GOLPH3L: variants seen among roughly 807,000 people sequenced by gnomAD.
The protein encoded by GOLPH3L is golgi phosphoprotein 3 like, also known as Golgi phosphoprotein 3-like.
Under a neutral mutation model 30.3 loss-of-function variants are expected in GOLPH3L, and 22 were observed. The observed-to-expected ratio is 0.73, with a 90% confidence interval of 0.52 to 1.04. GOLPH3L has a LOEUF of 1.04. GOLPH3L is among the 50% of genes least tolerant of loss of function. The pLI is 0.00. For synonymous variants in GOLPH3L, 120 were observed against 128.2 expected, an observed-to-expected ratio of 0.94 and a Z score of 0.43; for missense variants, 303 against 345.8, an observed-to-expected ratio of 0.88 and a Z score of 0.98.
At chr1:150,673,309 A>G (rs971307530) in intron 2 of GOLPH3L, among the ~76,000 whole-genome samples, 3 of 152,162 alleles carry the variant, frequency 2.0e-5, no homozygotes, top group African/African-American at 7.2e-5. Flanking sequence ...CATGCCTGTA[A>G]TCCCAGCACT....
chr1:150,676,133 C>G (rs1256542984), intron 2 of GOLPH3L, among the ~76,000 whole-genome samples: 1 of 151,980 alleles, frequency 6.6e-6, no homozygotes, highest in African/African-American at 2.4e-5. Context: ...GCCACCATGC[C>G]TGGCTAATTT....
chr1:150,677,518 C>T (rs952714348), intron 2 of GOLPH3L, among the ~76,000 whole-genome samples: 5 of 151,542 alleles, frequency 3.3e-5, no homozygotes, highest in Admixed American at 3.3e-4. Flanking sequence ...GGATTACAGG[C>T]GTGAGCCACC....
intron 4 of GOLPH3L, among the ~76,000 whole-genome samples, chr1:150,651,717 G>T (rs1650110018): frequency 2.0e-5 from 3 of 149,004 alleles, no homozygotes; most frequent in Admixed American, 2.0e-4. Flanking sequence ...AGAGATCTGA[G>T]CTGGCAAAAT....
intron 4 of GOLPH3L, among the ~76,000 whole-genome samples, chr1:150,661,064 C>CA (rs1160493281): frequency 6.6e-6 from 1 of 152,090 alleles, no homozygotes; most frequent in Non-Finnish European, 1.5e-5. Context: ...CCTGTCTCTA[C>CA]TAAGAATACA....
chr1:150,692,270 C>A (rs1438309637), intron 2 of GOLPH3L, among the ~76,000 whole-genome samples: 1 of 152,184 alleles, frequency 6.6e-6, no homozygotes, highest in Non-Finnish European at 1.5e-5. Context: ...CTCTTCTATT[C>A]ATTTACACCT....
At chr1:150,692,985 A>T (rs1183076433) in intron 2 of GOLPH3L, among the ~76,000 whole-genome samples, 1 of 152,130 alleles carries the variant, frequency 6.6e-6, no homozygotes. Flanking sequence ...TATTTATATC[A>T]CCTAATCTTC....
intron 2 of GOLPH3L, among the ~76,000 whole-genome samples, chr1:150,692,415 T>C (rs760311329): frequency 1.3e-5 from 2 of 152,232 alleles, no homozygotes; most frequent in African/African-American, 4.8e-5. Context: ...TTTTGAGGCC[T>C]TGCTCTGTTG....
chr1:150,694,919 C>A, intron 1 of GOLPH3L, 69 bp from the exon 2 acceptor site: 1 of 761,932 alleles, frequency 1.3e-6, no homozygotes, highest in Non-Finnish European at 2.2e-6. Context: ...TTCATACATG[C>A]ATACTAAACA....
chr1:150,666,599 A>G (rs758687868), intron 2 of GOLPH3L, among the ~76,000 whole-genome samples: 1 of 152,082 alleles, frequency 6.6e-6, no homozygotes, highest in Admixed American at 6.6e-5. Flanking sequence ...CAGCCTCCCA[A>G]AGTGCTGGAA....
At chr1:150,691,731 C>A (rs762767038) in intron 2 of GOLPH3L, among the ~76,000 whole-genome samples, 26 of 152,014 alleles carry the variant, frequency 1.7e-4, no homozygotes, top group Non-Finnish European at 2.9e-4. Flanking sequence ...AATATGCAAC[C>A]TCAAATACAA....
At chr1:150,692,487 G>A (rs1456013990) in intron 2 of GOLPH3L, among the ~76,000 whole-genome samples, 2 of 152,212 alleles carry the variant, frequency 1.3e-5, no homozygotes, top group African/African-American at 4.8e-5. Context: ...CGAGGCTTAA[G>A]CCATCCTCTT....
intron 4 of GOLPH3L, among the ~76,000 whole-genome samples, chr1:150,653,703 A>ACCCC (rs1650177964): frequency 6.6e-6 from 1 of 151,114 alleles, no homozygotes; most frequent in Non-Finnish European, 1.5e-5. Context: ...TGATCTTCCC[A>ACCCC]CCTGAGTGTC....
At chr1:150,682,287 C>T (rs955086335) in intron 2 of GOLPH3L, among the ~76,000 whole-genome samples, 8 of 151,884 alleles carry the variant, frequency 5.3e-5, no homozygotes, top group Admixed American at 2.6e-4. Flanking sequence ...TCCATGTTAT[C>T]TCACACCCCA....
At chr1:150,681,451 A>G (rs1380464742) in intron 2 of GOLPH3L, among the ~76,000 whole-genome samples, 1 of 152,212 alleles carries the variant, frequency 6.6e-6, no homozygotes, top group Non-Finnish European at 1.5e-5. Flanking sequence ...GCTTTAAAAC[A>G]AAATATGGGA....
chr1:150,655,620 G>T (rs1315246292), intron 4 of GOLPH3L, among the ~76,000 whole-genome samples: 1 of 152,170 alleles, frequency 6.6e-6, no homozygotes, highest in Non-Finnish European at 1.5e-5. Flanking sequence ...CCTTTAAAAT[G>T]GTTAACAGAT....
intron 1 of GOLPH3L, among the ~76,000 whole-genome samples, chr1:150,695,831 C>G (rs1238511236): frequency 6.6e-6 from 1 of 151,300 alleles, no homozygotes; most frequent in Non-Finnish European, 1.5e-5. Flanking sequence ...CCATATCTTG[C>G]AAATACACAA....
intron 2 of GOLPH3L, among the ~76,000 whole-genome samples, chr1:150,675,271 T>G (rs905130644): frequency 2.0e-5 from 3 of 150,660 alleles, no homozygotes; most frequent in Non-Finnish European, 3.0e-5. Flanking sequence ...GATTTTTTTT[T>G]TTTGTGGTCA....
At chr1:150,653,009 C>G (rs1650159177) in intron 4 of GOLPH3L, among the ~76,000 whole-genome samples, 1 of 151,226 alleles carries the variant, frequency 6.6e-6, no homozygotes, top group African/African-American at 2.4e-5. Context: ...ACAATATTGG[C>G]ATGGTGGGCC....
intron 2 of GOLPH3L, among the ~76,000 whole-genome samples, chr1:150,693,484 C>T (rs1355717910): frequency 6.6e-6 from 1 of 151,668 alleles, no homozygotes; most frequent in Non-Finnish European, 1.5e-5. Context: ...AGGCGGTGGG[C>T]GAGGGGGGGC....
Sources: gnomAD v4.1 joint callset for allele counts (sites outside exome capture counted in the v4.1 genomes callset) on GRCh38, gnomAD v4.1.1 for gene constraint, MANE v1.5 for transcripts, NCBI Gene and HGNC (gene_info 2026-07-23, HGNC 2026-07-21) for gene names.